The following ANKRD6 variants were observed in gnomAD, a reference collection of about 807,000 sequenced individuals.
ANKRD6 encodes ankyrin repeat domain 6.
Under a neutral mutation model 82.3 loss-of-function variants are expected in ANKRD6, and 56 were observed. The observed-to-expected ratio is 0.68, with a 90% CI of 0.55 to 0.85. The LOEUF (loss-of-function observed/expected upper bound fraction) is 0.85, where lower values mean the gene tolerates loss of function less well. Among genes scored for constraint, ANKRD6 ranks in the 40% least tolerant of loss-of-function variants. The probability of loss-of-function intolerance (pLI) is 0.00; values close to 1 mark genes in which losing one functional copy is unlikely to be tolerated. For missense variants in ANKRD6, 852 were observed against 907.6 expected (o/e 0.94, Z 0.79); for synonymous variants, 347 against 352.1 (o/e 0.99, Z 0.16).
In ANKRD6 at chr6:89,616,590, C is replaced by T. The variant is rs2128231036; in HGVS notation, c.647C>T (p.Ala216Val). 6.2e-7 allele frequency: 1 copy of T among 1,614,020 alleles called. No homozygotes were observed. The highest frequency in any genetic ancestry group is 8.5e-7 in the Non-Finnish European group (1 of 1,179,892). The part of the protein sequence containing the change: ...AGDTALHVAA[A>V]LNHKKVAKIL... ...GACACAGCACTTCACGTTGCTGCTG[C>T]CCTAAATCACAAGAAGGTGGCCAAA... The change falls in exon 8 of 16, where the codon GCC becomes GTC. Residue 216 changes from alanine to valine, a missense_variant. By Grantham distance (64) the Ala-to-Val change is moderately conservative. Transcript: ENST00000339746.
At chr6:89,456,738 A>G (rs565225520) in intron 1 of ANKRD6, among the ~76,000 whole-genome samples, 1 of 152,320 alleles carries the variant, frequency 6.6e-6, no homozygotes, top group African/African-American at 2.4e-5. Context: ...AACATAAATT[A>G]TGGCCACAGA....
chr6:89,455,681 G>T (rs1773417848), intron 1 of ANKRD6, among the ~76,000 whole-genome samples: 1 of 151,904 alleles, frequency 6.6e-6, no homozygotes, highest in South Asian at 2.1e-4. Flanking sequence ...TGTAACACCT[G>T]CCCCCTCTCT....
At chr6:89,599,891 G>A (rs1042951702) in intron 3 of ANKRD6, among the ~76,000 whole-genome samples, 1 of 151,984 alleles carries the variant, frequency 6.6e-6, no homozygotes, top group Non-Finnish European at 1.5e-5. Context: ...GGGAGAGTCC[G>A]AGCCTGGCCT....
chr6:89,616,431 G>A (rs1303146389), intron 7 of ANKRD6, 128 bp from the exon 8 acceptor site: 3 of 760,742 alleles, frequency 3.9e-6, no homozygotes, highest in Non-Finnish European at 6.6e-6. Flanking sequence ...TTTAACAAAG[G>A]GCCCCATTTC....
intron 1 of ANKRD6, among the ~76,000 whole-genome samples, chr6:89,504,798 T>A (rs1359177686): frequency 6.6e-6 from 1 of 152,186 alleles, no homozygotes. Flanking sequence ...CGTGCTGGCT[T>A]TAAAGCAAAT....
rs58643589 is a variant in ANKRD6, at chr6:89,541,387, C to CTTTTTTTTTTT, written c.-143-25434_-143-25424dup. ...TCTAGGTATTTAATTTTACGTGTGGCTTTTTTTTTTTTTTTTTTTTTTTGA... is the reference window on the plus strand; with the variant it reads ...TCTAGGTATTTAATTTTACGTGTGGCTTTTTTTTTTTTTTTTTTTTTTTTTTTTTTTTTTGA... On this transcript the variant is annotated intron_variant, in intron 1 of 15. Transcript: ENST00000339746. 2.2e-4 allele frequency among the ~76,000 whole-genome samples: 14 copies of CTTTTTTTTTTT among 64,104 alleles called. 2 individuals carry two copies. The highest frequency in any genetic ancestry group is 4.9e-4 in the Admixed American group (2 of 4,048). 42.1% of individuals were successfully genotyped at this position (64,104 alleles called of 152,430 possible).
chr6:89,624,269 G>T (rs1297512855), intron 12 of ANKRD6, among the ~76,000 whole-genome samples: 1 of 152,182 alleles, frequency 6.6e-6, no homozygotes, highest in African/African-American at 2.4e-5. Flanking sequence ...TGCAGAGCTT[G>T]CTGCACAATC....
intron 1 of ANKRD6, among the ~76,000 whole-genome samples, chr6:89,466,888 A>G (rs1301783305): frequency 1.3e-5 from 2 of 152,124 alleles, no homozygotes; most frequent in African/African-American, 4.8e-5. Context: ...TAATCTTTTT[A>G]TAGAAATGGG....
intron 1 of ANKRD6, among the ~76,000 whole-genome samples, chr6:89,471,055 G>T (rs1206782766): frequency 6.6e-6 from 1 of 151,978 alleles, no homozygotes; most frequent in Non-Finnish European, 1.5e-5. Context: ...GTGTGCACGT[G>T]CACACACTTA....
intron 4 of ANKRD6, among the ~76,000 whole-genome samples, chr6:89,604,138 C>T (rs891432302): frequency 3.3e-5 from 5 of 152,208 alleles, no homozygotes; most frequent in African/African-American, 9.6e-5. Flanking sequence ...ACCAGCCTGG[C>T]TAACATGGTG....
intron 4 of ANKRD6, 68 bp from the exon 5 acceptor site, chr6:89,605,939 G>A (rs945346821): frequency 1.3e-5 from 15 of 1,182,206 alleles, no homozygotes; most frequent in African/African-American, 1.5e-5. Flanking sequence ...CCACTGTGAT[G>A]TATTGATCAT....
intron 1 of ANKRD6, among the ~76,000 whole-genome samples, chr6:89,445,746 A>G (rs888930897): frequency 2.0e-5 from 3 of 151,444 alleles, no homozygotes; most frequent in Non-Finnish European, 4.4e-5. Context: ...GCCTGGCTCA[A>G]TTTTTGTATT....
At chr6:89,618,146 C>G (rs755833849) in intron 9 of ANKRD6, 115 bp downstream of exon 9, 1 of 1,182,508 alleles carries the variant, frequency 8.5e-7, no homozygotes, top group East Asian at 2.3e-5. Context: ...GGAATGTAAC[C>G]AGGCAGTGGA....
intron 1 of ANKRD6, among the ~76,000 whole-genome samples, chr6:89,540,237 T>C (rs1784308855): frequency 6.6e-6 from 1 of 152,226 alleles, no homozygotes; most frequent in African/African-American, 2.4e-5. Context: ...TGTACTAACT[T>C]ACATTCCCAC....
intron 2 of ANKRD6, among the ~76,000 whole-genome samples, chr6:89,580,879 G>A (rs558612026): frequency 6.6e-6 from 1 of 152,306 alleles, no homozygotes; most frequent in South Asian, 2.1e-4. Context: ...CACTTACAAG[G>A]TGGTTGGTCA....
chr6:89,514,167 C>T (rs1056639241), intron 1 of ANKRD6, among the ~76,000 whole-genome samples: 2 of 152,054 alleles, frequency 1.3e-5, no homozygotes, highest in Admixed American at 6.6e-5. Flanking sequence ...CACATGAAGT[C>T]GGGAGTTAAA....
At chr6:89,526,626 C>CAGAA (rs1782535727) in intron 1 of ANKRD6, among the ~76,000 whole-genome samples, 2 of 152,126 alleles carry the variant, frequency 1.3e-5, no homozygotes, top group Non-Finnish European at 2.9e-5. Context: ...AGTCAGGGTT[C>CAGAA]TCCGAGAAAC....
chr6:89,623,571 A>G lies in ANKRD6; in HGVS notation c.1032+27A>G, dbSNP rs188985690. 328 of 1,566,950 alleles carry G rather than the reference A, an allele frequency of 2.1e-4. No homozygotes were observed. In the African/African-American group the frequency reaches 4.1e-3, roughly 20 times the overall value. On this transcript the variant is annotated intron_variant, in intron 11 of 15. Transcript: ENST00000339746. ...TCAGGAGACACAGAAAGCAGCCCAG[A>G]GGGGTGGCTGGGAGGCAGGGTGGCG...
chr6:89,535,103 CAA>C (rs1783657278), intron 1 of ANKRD6, among the ~76,000 whole-genome samples: 1 of 152,110 alleles, frequency 6.6e-6, no homozygotes. Flanking sequence ...AAGTCTTAAA[CAA>C]GAGTAAAGTT....
Sources: allele counts gnomAD v4.1 joint callset (sites outside exome capture counted in the v4.1 genomes callset), GRCh38; gene constraint gnomAD v4.1.1; transcripts MANE v1.5; gene names NCBI Gene and HGNC (gene_info 2026-07-23, HGNC 2026-07-21).